The following TDRKH variants were observed in gnomAD, a reference collection of about 807,000 sequenced individuals.
TDRKH encodes the protein tudor and KH domain-containing protein.
Under a neutral mutation model 61.3 loss-of-function variants are expected in TDRKH, and 28 were observed. That is an observed-to-expected ratio of 0.46 (90% CI 0.34 to 0.63). The LOEUF is 0.63. TDRKH is among the 20% of genes least tolerant of loss of function. The probability of loss-of-function intolerance (pLI) is 0.01; values close to 1 mark genes in which losing one functional copy is unlikely to be tolerated. For missense variants in TDRKH, 540 were observed against 683.4 expected, an observed-to-expected ratio of 0.79 and a Z score of 2.34; for synonymous variants, 219 against 244.4, an observed-to-expected ratio of 0.90 and a Z score of 0.97.
At chr1:151,772,168 T>C (rs986987264), downstream of TDRKH, among the ~76,000 whole-genome samples, 1 of 152,154 alleles carries the variant, frequency 6.6e-6, no homozygotes, top group African/African-American at 2.4e-5. Flanking sequence ...CAATCTTGGC[T>C]CACTCACTGC....
At position 151,779,212 on chromosome 1, in the gene TDRKH, C is replaced by T. The variant is rs775702368; in HGVS notation, c.452G>A (p.Cys151Tyr). Residue 151 changes from cysteine (C) to tyrosine (Y), a missense_variant, in exon 5 of 13, where the codon TGT becomes TAT. Coordinates refer to ENST00000368824, the MANE Select transcript of TDRKH (RefSeq NM_001083965.2). ...GRGGETIRSICKASGAKITCD... is the reference protein window; with the variant it reads ...GRGGETIRSIYKASGAKITCD... ...GGTAATTTTGGCTCCAGATGCCTTACAGATAGAACGAATTGTCTCGCCGCC... is the reference window on the plus strand; with the variant it reads ...GGTAATTTTGGCTCCAGATGCCTTATAGATAGAACGAATTGTCTCGCCGCC... 3.7e-6 allele frequency: 6 copies of T among 1,614,188 alleles called. No individual in the cohort carries two copies. Among genetic ancestry groups the T allele is most frequent in the Non-Finnish European group, 5.1e-6 (6 of 1,180,046 alleles).
Position 151,775,504 on chromosome 1 carries a change from C to CTATCAAA in TDRKH, c.1315_1321dup (p.Arg441IlefsTer2), listed in dbSNP as rs770175402. On this transcript the variant is annotated stop_gained and frameshift_variant, in exon 10 of 13. Transcript: ENST00000368824. LOFTEE classifies it high-confidence loss of function. ...CTTCCAGTCAGCACAATGAGTGAGT[C>CTATCAAA]TATCAAACTCATCCAAAGCTTCCTC... 1 of 1,613,942 alleles carries CTATCAAA rather than the reference C, an allele frequency of 6.2e-7. No individual in the cohort carries two copies. The highest frequency in any genetic ancestry group is 1.1e-5 in the South Asian group (1 of 91,038).
At chr1:151,771,494 T>G (rs1000077895), downstream of TDRKH, 1 of 520,010 alleles carries the variant, frequency 1.9e-6, no homozygotes. Context: ...TGCCCCAAAC[T>G]ATTTCCCCAT....
chr1:151,770,336 C>A, downstream of TDRKH: 1 of 1,517,918 alleles, frequency 6.6e-7, no homozygotes, highest in Non-Finnish European at 8.8e-7. Context: ...AGACCCTCTT[C>A]CCCTGTCTTT....
chr1:151,783,535 A>G (rs1650036737), intron 1 of TDRKH: 1 of 152,398 alleles, frequency 6.6e-6, no homozygotes. Flanking sequence ...CTTAACGAAC[A>G]GTGAAATGGG....
downstream of TDRKH, chr1:151,770,645 T>C: frequency 4.1e-6 from 1 of 243,898 alleles, no homozygotes; most frequent in Non-Finnish European, 7.9e-6. Context: ...TTACAGAAAC[T>C]ATAGCCTCTT....
chr1:151,787,432 T>C (rs1372603402), intron 1 of TDRKH, among the ~76,000 whole-genome samples: 1 of 152,152 alleles, frequency 6.6e-6, no homozygotes, highest in Non-Finnish European at 1.5e-5. Flanking sequence ...TTGGCCAGGA[T>C]GGTCTCGAAC....
rs374414669 is a variant in TDRKH, at chr1:151,778,916, T to C, written c.652A>G (p.Ile218Val). The C allele has an allele frequency of 1.0e-4, 165 of 1,614,090 alleles. No individual in the cohort carries two copies. The highest frequency in any genetic ancestry group is 1.3e-4 in the Non-Finnish European group (158 of 1,180,046). Reference sequence around the variant, plus strand: ...GTCATGTCTTCTCTTCTCACACTGATTGGCTGTTTGCGTGGGACCCTGGTT... The same window carrying C: ...GTCATGTCTTCTCTTCTCACACTGACTGGCTGTTTGCGTGGGACCCTGGTT... The part of the protein sequence containing the change: ...AETRVPRKQP[I>V]SVRREDMTEP... Residue 218 changes from isoleucine to valine, a missense_variant, in exon 6 of 13, where the codon ATC (isoleucine) becomes GTC (valine). By Grantham distance (29) the Ile-to-Val change is conservative. This residue lies in a region of TDRKH where 379 missense variants were observed against 443.8 expected (regional missense o/e 0.85). Transcript: ENST00000368824.
In TDRKH at chr1:151,775,472, C is replaced by T. The variant is rs769224679; in HGVS notation, c.1354G>A (p.Val452Ile). 2 of 1,614,138 alleles carry T rather than the reference C, an allele frequency of 1.2e-6. No individual in the cohort carries two copies. Among genetic ancestry groups the T allele is most frequent in the South Asian group, 2.2e-5 (2 of 91,076 alleles). The stretch of plus-strand genomic sequence containing the variant: ...TGGACATAGCTAGAGATCTTGGCTA[C>T]CAGAGGCTTCCAGTCAGCACAATGA... ...LTHCADWKPL[V>I]AKISSYVQTG... Residue 452 changes from valine (V) to isoleucine (I), a missense_variant, in exon 10 of 13, where the codon GTA (valine) becomes ATA (isoleucine). This residue lies in a region of TDRKH where 379 missense variants were observed against 443.8 expected (regional missense o/e 0.85). Transcript: ENST00000368824.
chr1:151,770,137 G>A, downstream of TDRKH: 3 of 1,611,080 alleles, frequency 1.9e-6, no homozygotes, highest in Non-Finnish European at 2.5e-6. Context: ...AGAGGGAGCG[G>A]CCAAACATTT....
chr1:151,766,628 G>A (rs1648366764), downstream of TDRKH: 1 of 1,454,400 alleles, frequency 6.9e-7, no homozygotes, highest in Non-Finnish European at 9.3e-7. Context: ...CCATGTCATA[G>A]TGCCCACTGG....
chr1:151,774,893 G>C lies in TDRKH; in HGVS notation c.1537-87C>G. ...CCCTTTCATTCTTCTCATAGGACCTGGTTAAGGCAGTTGCATTTGGCTACC... is the reference window on the plus strand; with the variant it reads ...CCCTTTCATTCTTCTCATAGGACCTCGTTAAGGCAGTTGCATTTGGCTACC... On this transcript the variant is annotated intron_variant, in intron 11 of 12. Transcript: ENST00000368824. 3.4e-6 allele frequency: 5 copies of C among 1,484,542 alleles called. No homozygotes were observed. The South Asian group carries it at 5.8e-5, about 17-fold the overall frequency. The allele number at this position is 1,484,542 out of a possible 1,614,324, so 92.0% of individuals were successfully genotyped here. A position where few individuals can be genotyped will look rare whatever the true frequency, so the allele number is the denominator to read the frequency against.
downstream of TDRKH, chr1:151,767,936 A>G: frequency 7.9e-7 from 1 of 1,258,110 alleles, no homozygotes; most frequent in South Asian, 1.5e-5. Context: ...TGCATCTTTA[A>G]GATCTTGGCT....
At chr1:151,779,285 CA>C (rs1373848012) in intron 4 of TDRKH, 43 bp from the exon 5 acceptor site, 1 of 1,605,316 alleles carries the variant, frequency 6.2e-7, no homozygotes, top group Non-Finnish European at 8.5e-7. Context: ...CCCTCCTGGC[CA>C]ACCTTAGCTA....
At chr1:151,780,758 G>A (rs1417757163) in intron 3 of TDRKH, among the ~76,000 whole-genome samples, 2 of 151,036 alleles carry the variant, frequency 1.3e-5, no homozygotes, top group African/African-American at 2.4e-5. Context: ...GCTGAGGCAG[G>A]AGAATGATGT....
At chr1:151,766,547 C>G (rs1648364489), downstream of TDRKH, 2 of 648,594 alleles carry the variant, frequency 3.1e-6, no homozygotes, top group Non-Finnish European at 5.3e-6. Context: ...GAATATGAGC[C>G]TTGGATAAGG....
Position 151,775,826 on chromosome 1 carries a change from G to A in TDRKH, c.1276C>T (p.Pro426Ser), listed in dbSNP as rs140584958. 6.2e-7 allele frequency: 1 copy of A among 1,613,386 alleles called. No homozygotes were observed. Among genetic ancestry groups the A allele is most frequent in the African/African-American group, 1.3e-5 (1 of 75,024 alleles). ...GATGGCATGACCAATTTACCTGAGG[G>A]AGCAATCCGTGCCAGACTACATTCT... ...AIECSLARIA[P>S]SGDQWEEEAL... The change falls in exon 9 of 13, where the codon CCC becomes TCC. Residue 426 changes from proline to serine, a missense_variant. This residue lies in a region of TDRKH where 379 missense variants were observed against 443.8 expected (regional missense o/e 0.85). Coordinates refer to ENST00000368824, the MANE Select transcript of TDRKH (RefSeq NM_001083965.2).
chr1:151,772,280 T>TTTGGTAGAG (rs55660703), downstream of TDRKH, among the ~76,000 whole-genome samples: 1 of 444 alleles, frequency 2.3e-3, no homozygotes, highest in African/African-American at 5.4e-3. Flanking sequence ...TTTTTGTATT[T>TTTGGTAGAG]ACGGGTTTCA....
chr1:151,771,351 G>C (rs148465533), downstream of TDRKH: 2 of 1,473,168 alleles, frequency 1.4e-6, no homozygotes, highest in Non-Finnish European at 8.9e-7. Context: ...ACGGTTTCTT[G>C]GGGGGGTGGG....
Sources: gnomAD v4.1 joint callset for allele counts (sites outside exome capture counted in the v4.1 genomes callset) on GRCh38, gnomAD v4.1.1 for gene constraint, gnomAD v4.1.1 regional missense constraint, MANE v1.5 for transcripts, NCBI Gene and HGNC (gene_info 2026-07-23, HGNC 2026-07-21) for gene names.